Variants in NCAM1 observed in about 807,000 individuals in gnomAD.
NCAM1 encodes the protein antigen recognized by monoclonal antibody 5.1H11.
Under a neutral mutation model 109.8 loss-of-function variants are expected in NCAM1, and 14 were observed. The ratio of observed to expected loss-of-function variants is 0.13; its 90% CI spans 0.08 to 0.20. NCAM1 has a LOEUF of 0.20. Ranked by LOEUF, NCAM1 falls within the 10% of genes least tolerant of loss-of-function variation. NCAM1 has a pLI of 1.00. For synonymous variants in NCAM1, 418 were observed against 442.9 expected, an observed-to-expected ratio of 0.94 and a Z score of 0.70; for missense variants, 774 against 1,109.9, an observed-to-expected ratio of 0.70 and a Z score of 4.30.
intron 8 of NCAM1, among the ~76,000 whole-genome samples, chr11:113,214,976 T>A (rs1352100466): frequency 6.6e-6 from 1 of 152,250 alleles, no homozygotes; most frequent in Non-Finnish European, 1.5e-5. Context: ...TATGCACAAA[T>A]GCCTGGTTGC....
At chr11:113,092,699 C>A (rs1939406179) in intron 1 of NCAM1, among the ~76,000 whole-genome samples, 1 of 152,130 alleles carries the variant, frequency 6.6e-6, no homozygotes. Context: ...TAATTGAGGG[C>A]TACAGAATCA....
chr11:113,207,426 G>C, intron 6 of NCAM1, 48 bp downstream of exon 6: 1 of 1,470,678 alleles, frequency 6.8e-7, no homozygotes, highest in Non-Finnish European at 9.5e-7. Flanking sequence ...GGAGAATGGG[G>C]CATCACAAAG....
intron 1 of NCAM1, among the ~76,000 whole-genome samples, chr11:113,037,100 G>A (rs1358153283): frequency 1.3e-5 from 2 of 152,214 alleles, no homozygotes; most frequent in Admixed American, 1.3e-4. Context: ...TCAGGTACCT[G>A]ATACCACACC....
chr11:113,234,506 T>C (rs1591443591), intron 13 of NCAM1, among the ~76,000 whole-genome samples: 1 of 152,232 alleles, frequency 6.6e-6, no homozygotes, highest in East Asian at 1.9e-4. Context: ...TGTAGTTGGC[T>C]ATTCTAAGTA....
intron 1 of NCAM1, among the ~76,000 whole-genome samples, chr11:113,147,538 C>T (rs1041033124): frequency 6.6e-5 from 10 of 152,222 alleles, no homozygotes; most frequent in Non-Finnish European, 1.3e-4. Context: ...ATGAGGTCAC[C>T]TCTCAGCACA....
intron 17 of NCAM1, chr11:113,264,407 G>T (rs1412817742): frequency 3.0e-5 from 30 of 985,294 alleles, no homozygotes; most frequent in Non-Finnish European, 3.6e-5. Flanking sequence ...GAGGCTCCAT[G>T]CTGCACAGTA....
intron 9 of NCAM1, among the ~76,000 whole-genome samples, chr11:113,225,692 G>T (rs986645998): frequency 6.6e-6 from 1 of 152,212 alleles, no homozygotes; most frequent in Non-Finnish European, 1.5e-5. Context: ...CAAAGGTCGG[G>T]TTACCCACAA....
intron 1 of NCAM1, among the ~76,000 whole-genome samples, chr11:113,200,235 C>T (rs181588067): frequency 3.3e-5 from 5 of 152,228 alleles, no homozygotes; most frequent in South Asian, 4.2e-4. Context: ...CTTAGGTGAC[C>T]GTGGCATAGA....
At chr11:113,098,068 T>C (rs973811593) in intron 1 of NCAM1, among the ~76,000 whole-genome samples, 2 of 152,184 alleles carry the variant, frequency 1.3e-5, no homozygotes, top group Non-Finnish European at 2.9e-5. Context: ...ATTCATGACG[T>C]GGAATGTGTT....
At chr11:113,022,866 A>G (rs896476125) in intron 1 of NCAM1, among the ~76,000 whole-genome samples, 3 of 152,132 alleles carry the variant, frequency 2.0e-5, no homozygotes, top group African/African-American at 7.2e-5. Flanking sequence ...TCATCACACT[A>G]CATCTGCATT....
chr11:113,240,480 C>G, intron 14 of NCAM1: 1 of 412,792 alleles, frequency 2.4e-6, no homozygotes, highest in Non-Finnish European at 4.3e-6. Context: ...ATGGAGACAG[C>G]TGGTCCTGCT....
intron 7 of NCAM1, among the ~76,000 whole-genome samples, chr11:113,208,457 G>C (rs1252012941): frequency 1.3e-5 from 2 of 151,926 alleles, no homozygotes; most frequent in Non-Finnish European, 2.9e-5. Flanking sequence ...ATGTCCCTCA[G>C]ACATACCAAG....
chr11:113,255,899 C>G lies in NCAM1; in HGVS notation c.1851C>G (p.Leu617=). The G allele has an allele frequency of 1.2e-6, 2 of 1,612,338 alleles. No individual in the cohort carries two copies. Among genetic ancestry groups the G allele is most frequent in the Middle Eastern group, 1.7e-4 (1 of 6,060 alleles). Reference sequence around the variant, plus strand: ...CAGGGGAACCCAGTGCACCTAAGCTCGAAGGGCAGATGGGAGAGGATGGAA... The same window carrying G: ...CAGGGGAACCCAGTGCACCTAAGCTGGAAGGGCAGATGGGAGAGGATGGAA... ...PVQGEPSAPK[L]EGQMGEDGNS... is the part of the protein sequence containing the mutation. The change falls in exon 16 of 20, where the codon CTC becomes CTG. Residue 617 remains leucine, a synonymous_variant. Transcript: ENST00000316851.
chr11:113,053,051 T>C (rs1313928457), intron 1 of NCAM1, among the ~76,000 whole-genome samples: 3 of 152,216 alleles, frequency 2.0e-5, no homozygotes, highest in African/African-American at 7.2e-5. Context: ...AACAGAAAAA[T>C]TGCAGAGGCT....
At chr11:113,235,298 C>T (rs1555118069) in intron 14 of NCAM1, 134 bp downstream of exon 14, 4 of 1,549,296 alleles carry the variant, frequency 2.6e-6, no homozygotes, top group Middle Eastern at 1.7e-4. Flanking sequence ...CTCCTGGAGG[C>T]CCCACCTCCT....
At chr11:113,182,250 C>G (rs1943356060) in intron 1 of NCAM1, among the ~76,000 whole-genome samples, 1 of 152,188 alleles carries the variant, frequency 6.6e-6, no homozygotes, top group Non-Finnish European at 1.5e-5. Flanking sequence ...AGCTCACTCT[C>G]CTACCAGATG....
At chr11:113,093,481 C>T (rs919978136) in intron 1 of NCAM1, among the ~76,000 whole-genome samples, 2 of 152,250 alleles carry the variant, frequency 1.3e-5, no homozygotes, top group South Asian at 2.1e-4. Flanking sequence ...CTCCTTCCTC[C>T]GGCCCCACAA....
chr11:113,155,696 C>A (rs557957629), intron 1 of NCAM1, among the ~76,000 whole-genome samples: 1 of 152,042 alleles, frequency 6.6e-6, no homozygotes. Context: ...TCTTTAGTTG[C>A]CCAGTTATAT....
intron 1 of NCAM1, among the ~76,000 whole-genome samples, chr11:113,075,286 T>G (rs1938478850): frequency 6.6e-6 from 1 of 152,162 alleles, no homozygotes; most frequent in Non-Finnish European, 1.5e-5. Context: ...CTCAGGCTGG[T>G]CTCGGGCTCC....
Sources: gnomAD v4.1 joint callset for allele counts (sites outside exome capture counted in the v4.1 genomes callset) on GRCh38, gnomAD v4.1.1 for gene constraint, MANE v1.5 for transcripts, NCBI Gene and HGNC (gene_info 2026-07-23, HGNC 2026-07-21) for gene names.